CNTNAP2: variants seen among roughly 807,000 people sequenced by gnomAD.
The protein encoded by CNTNAP2 is contactin associated protein 2, also known as contactin-associated protein-like 2.
CNTNAP2 carries 98 observed loss-of-function variants against 155.2 expected under a neutral mutation model. The ratio of observed to expected loss-of-function variants is 0.63; its 90% CI spans 0.54 to 0.75. CNTNAP2 has a LOEUF of 0.75. Ranked by LOEUF, CNTNAP2 falls within the 30% of genes least tolerant of loss-of-function variation. The pLI is 0.00. For synonymous variants in CNTNAP2, 651 were observed against 631.2 expected, an observed-to-expected ratio of 1.03 and a Z score of -0.47; for missense variants, 1,727 against 1,688.1, an observed-to-expected ratio of 1.02 and a Z score of -0.40.
intron 3 of CNTNAP2, among the ~76,000 whole-genome samples, chr7:146,855,807 GTATATATA>G (rs367900395): frequency 0.03 from 3,349 of 110,610 alleles, 58 homozygotes; most frequent in Middle Eastern, 0.057. Flanking sequence ...GTGTTAATGA[GTATATATA>G]TATATATATA....
At chr7:148,052,575 C>T (rs1802914312) in intron 15 of CNTNAP2, among the ~76,000 whole-genome samples, 1 of 152,050 alleles carries the variant, frequency 6.6e-6, no homozygotes, top group Admixed American at 6.5e-5. Flanking sequence ...GGATTTTCAC[C>T]TCTAAAATTA....
chr7:147,243,847 A>AAG (rs1563131019), intron 8 of CNTNAP2, among the ~76,000 whole-genome samples: 1 of 152,166 alleles, frequency 6.6e-6, no homozygotes, highest in Non-Finnish European at 1.5e-5. Context: ...TTTTTTAAAT[A>AAG]AACTGAACAG....
rs567297186 is a variant in CNTNAP2, at chr7:146,653,569, A to G, written c.98-120702A>G. On this transcript the variant is annotated intron_variant, in intron 1 of 23. Coordinates refer to ENST00000361727, the MANE Select transcript of CNTNAP2 (RefSeq NM_014141.6). ...TCCCAAAGTGTCTTTTGGAAAAGGA[A>G]TGTTACATTTTTAAAATTAGACCTG... Among the ~76,000 whole-genome samples, 10 of 152,318 alleles carry G rather than the reference A, an allele frequency of 6.6e-5. No homozygotes were observed. The East Asian group carries it at 1.7e-3, about 26-fold the overall frequency.
At chr7:146,531,792 G>A (rs1214701117) in intron 1 of CNTNAP2, among the ~76,000 whole-genome samples, 1 of 152,000 alleles carries the variant, frequency 6.6e-6, no homozygotes, top group Non-Finnish European at 1.5e-5. Flanking sequence ...TGATCCACCC[G>A]CTTCAGCCTC....
chr7:147,771,015 G>A (rs1797460355), intron 13 of CNTNAP2, among the ~76,000 whole-genome samples: 1 of 152,066 alleles, frequency 6.6e-6, no homozygotes, highest in African/African-American at 2.4e-5. Flanking sequence ...TAAATTAATG[G>A]AATAGAATAG....
chr7:146,380,242 A>C (rs1314007382), intron 1 of CNTNAP2, among the ~76,000 whole-genome samples: 1 of 152,220 alleles, frequency 6.6e-6, no homozygotes, highest in Non-Finnish European at 1.5e-5. Context: ...GCTACCATGA[A>C]AGGTAATGAT....
chr7:147,180,304 A>C (rs1802428533), intron 8 of CNTNAP2, among the ~76,000 whole-genome samples: 2 of 152,206 alleles, frequency 1.3e-5, no homozygotes, highest in African/African-American at 4.8e-5. Context: ...GGAGTGACTA[A>C]TCAAAAAAGC....
chr7:146,339,170 T>A, intron 1 of CNTNAP2, among the ~76,000 whole-genome samples: 1 of 151,960 alleles, frequency 6.6e-6, no homozygotes, highest in Non-Finnish European at 1.5e-5. Flanking sequence ...GTAACAAAAC[T>A]CCATAAGGAA....
Position 147,915,266 on chromosome 7 carries a change from C to T in CNTNAP2, c.2255+11545C>T, listed in dbSNP as rs898610367. Among the ~76,000 whole-genome samples, 9 of 145,208 alleles carry T rather than the reference C, an allele frequency of 6.2e-5. No individual in the cohort carries two copies. The East Asian group carries it at 1.8e-3, about 29-fold the overall frequency. On this transcript the variant is annotated intron_variant, in intron 14 of 23. Transcript: ENST00000361727. The stretch of plus-strand genomic sequence containing the variant: ...CAAGCTGGAGGATTCCTCCGCTCAG[C>T]GGGCGCCGTGAAACTGAGAATATTC...
At chr7:146,898,100 C>A (rs2129212970) in intron 3 of CNTNAP2, among the ~76,000 whole-genome samples, 1 of 151,850 alleles carries the variant, frequency 6.6e-6, no homozygotes, top group African/African-American at 2.4e-5. Context: ...TTATTTTGAT[C>A]TTTTGAAAAG....
At chr7:148,049,156 A>G (rs1802836307) in intron 15 of CNTNAP2, among the ~76,000 whole-genome samples, 1 of 152,222 alleles carries the variant, frequency 6.6e-6, no homozygotes, top group African/African-American at 2.4e-5. Flanking sequence ...CAGAGGTTGC[A>G]GAGAGCTAAG....
chr7:147,168,220 G>T (rs1802158153), intron 8 of CNTNAP2, among the ~76,000 whole-genome samples: 2 of 150,730 alleles, frequency 1.3e-5, no homozygotes, highest in African/African-American at 4.8e-5. Context: ...CATTACATAT[G>T]CATGTCACTT....
chr7:147,715,360 T>A (rs902893460), intron 13 of CNTNAP2, among the ~76,000 whole-genome samples: 2 of 152,168 alleles, frequency 1.3e-5, no homozygotes, highest in East Asian at 3.8e-4. Flanking sequence ...ATCACTATTT[T>A]TATCCTAGTC....
intron 1 of CNTNAP2, among the ~76,000 whole-genome samples, chr7:146,450,051 A>G (rs1796456467): frequency 2.0e-5 from 3 of 152,180 alleles, no homozygotes; most frequent in Non-Finnish European, 4.4e-5. Context: ...AAATACGGAC[A>G]TTATGCAAGT....
At position 148,312,965 on chromosome 7, in the gene CNTNAP2, G is replaced by A. The variant is rs201411555; in HGVS notation, c.3475+45839G>A. ...AACTGGGGGAAAAGGTGGCAATGAG[G>A]TGTGGCTGTAGCCCAGGAATAGTCA... On this transcript the variant is annotated intron_variant, in intron 21 of 23. Coordinates refer to ENST00000361727, the MANE Select transcript of CNTNAP2 (RefSeq NM_014141.6). 6.6e-5 allele frequency among the ~76,000 whole-genome samples: 10 copies of A among 151,992 alleles called. No homozygotes were observed. The East Asian group carries it at 1.6e-3, about 24-fold the overall frequency.
intron 13 of CNTNAP2, among the ~76,000 whole-genome samples, chr7:147,858,759 C>T (rs1413888890): frequency 2.6e-5 from 4 of 152,014 alleles, no homozygotes; most frequent in African/African-American, 9.7e-5. Context: ...CGTGTACAAG[C>T]CAAGAGGAAT....
chr7:148,030,727 G>A (rs987418943), intron 15 of CNTNAP2, among the ~76,000 whole-genome samples: 20 of 146,084 alleles, frequency 1.4e-4, no homozygotes, highest in Admixed American at 1.0e-3. Context: ...CTTGAGAAGC[G>A]TACAGCATAT....
intron 1 of CNTNAP2, among the ~76,000 whole-genome samples, chr7:146,263,043 G>A (rs756168730): frequency 5.9e-5 from 9 of 152,280 alleles, no homozygotes; most frequent in African/African-American, 9.6e-5. Context: ...TTTTGGCCAG[G>A]CGTGGTGGCT....
intron 10 of CNTNAP2, among the ~76,000 whole-genome samples, chr7:147,452,108 G>A (rs1164303742): frequency 6.6e-6 from 1 of 152,100 alleles, no homozygotes; most frequent in Non-Finnish European, 1.5e-5. Flanking sequence ...ATAATTCATG[G>A]GTAGAAAAAT....
Sources: allele counts gnomAD v4.1 joint callset (sites outside exome capture counted in the v4.1 genomes callset), GRCh38; gene constraint gnomAD v4.1.1; transcripts MANE v1.5; gene names NCBI Gene and HGNC (gene_info 2026-07-23, HGNC 2026-07-21).